DNAJC1: variants seen among roughly 807,000 people sequenced by gnomAD.
DNAJC1 encodes dnaJ homolog subfamily C member 1.
DNAJC1 carries 58 observed loss-of-function variants against 76.6 expected under a neutral mutation model. That is an observed-to-expected ratio of 0.76 (90% CI 0.61 to 0.94). The LOEUF is 0.94. Among genes scored for constraint, DNAJC1 ranks in the 40% least tolerant of loss-of-function variants. DNAJC1 has a pLI of 0.00. For synonymous variants in DNAJC1, 258 were observed against 267.9 expected (o/e 0.96, Z 0.36); for missense variants, 689 against 677.3 (o/e 1.02, Z -0.19).
intron 8 of DNAJC1, among the ~76,000 whole-genome samples, chr10:21,820,049 T>C (rs1328084874): frequency 6.6e-6 from 1 of 152,248 alleles, no homozygotes; most frequent in Non-Finnish European, 1.5e-5. Context: ...AGCATTTTCA[T>C]CATTCTGAAT....
chr10:21,972,835 A>G (rs1838001778), intron 1 of DNAJC1, among the ~76,000 whole-genome samples: 1 of 152,096 alleles, frequency 6.6e-6, no homozygotes, highest in Non-Finnish European at 1.5e-5. Context: ...GAAACTGAAA[A>G]TAGGGTATTT....
At chr10:21,907,996 T>C (rs1249649975) in intron 6 of DNAJC1, among the ~76,000 whole-genome samples, 1 of 112,402 alleles carries the variant, frequency 8.9e-6, no homozygotes, top group Non-Finnish European at 1.7e-5. Flanking sequence ...GAAATATATA[T>C]GAAATATATT....
At chr10:21,803,735 G>T in intron 9 of DNAJC1, 1 of 643,142 alleles carries the variant, frequency 1.6e-6, no homozygotes, top group Non-Finnish European at 1.9e-6. Context: ...ATGCAGTGTG[G>T]GTCTATATAT....
intron 4 of DNAJC1, chr10:21,920,534 C>T (rs1356317434): frequency 3.7e-6 from 1 of 266,894 alleles, no homozygotes; most frequent in Non-Finnish European, 6.9e-6. Flanking sequence ...GAAAACATGG[C>T]TCTACCTTCT....
intron 6 of DNAJC1, among the ~76,000 whole-genome samples, chr10:21,911,785 TC>T (rs990938114): frequency 6.6e-6 from 1 of 152,190 alleles, no homozygotes; most frequent in Non-Finnish European, 1.5e-5. Flanking sequence ...AAACCATACT[TC>T]CAGGGTCTAT....
intron 8 of DNAJC1, among the ~76,000 whole-genome samples, chr10:21,832,968 G>C (rs1835384756): frequency 6.6e-6 from 1 of 152,182 alleles, no homozygotes; most frequent in South Asian, 2.1e-4. Flanking sequence ...TGTCTCAAGA[G>C]TGATTTATTC....
chr10:21,942,701 G>T (rs1467799229), intron 1 of DNAJC1, among the ~76,000 whole-genome samples: 1 of 151,422 alleles, frequency 6.6e-6, no homozygotes, highest in African/African-American at 2.4e-5. Context: ...AGCTACTCAG[G>T]ATGCTGAGGC....
At chr10:21,797,401 C>T (rs1324861726) in intron 9 of DNAJC1, among the ~76,000 whole-genome samples, 1 of 152,096 alleles carries the variant, frequency 6.6e-6, no homozygotes, top group Non-Finnish European at 1.5e-5. Flanking sequence ...TTTTATTCTT[C>T]TTTCTCAAGG....
chr10:21,862,103 A>G (rs1311328444), intron 8 of DNAJC1, among the ~76,000 whole-genome samples: 3 of 151,922 alleles, frequency 2.0e-5, no homozygotes, highest in African/African-American at 7.3e-5. Flanking sequence ...TTTTTAGTAG[A>G]GACGGGGTTT....
chr10:21,873,928 T>TA (rs1441143088), intron 8 of DNAJC1, among the ~76,000 whole-genome samples: 1 of 152,206 alleles, frequency 6.6e-6, no homozygotes, highest in African/African-American at 2.4e-5. Context: ...GCATTAATTC[T>TA]AAGTAGACAG....
At chr10:21,969,432 T>C (rs1420451254) in intron 1 of DNAJC1, among the ~76,000 whole-genome samples, 1 of 152,172 alleles carries the variant, frequency 6.6e-6, no homozygotes, top group Non-Finnish European at 1.5e-5. Context: ...TGGTTCTTGA[T>C]TCTCTTCAGA....
chr10:21,921,254 G>A (rs936841457), intron 3 of DNAJC1, among the ~76,000 whole-genome samples: 21 of 151,858 alleles, frequency 1.4e-4, no homozygotes, highest in Non-Finnish European at 5.9e-5. Flanking sequence ...AAGGAGCTAC[G>A]TGTAGTCTAC....
At chr10:21,968,767 T>C (rs1426636877) in intron 1 of DNAJC1, among the ~76,000 whole-genome samples, 2 of 152,088 alleles carry the variant, frequency 1.3e-5, no homozygotes, top group African/African-American at 4.8e-5. Context: ...ACCTAGGCCC[T>C]GCAAAGTGCT....
At chr10:21,768,661 T>C (rs1834331051) in intron 9 of DNAJC1, among the ~76,000 whole-genome samples, 1 of 152,200 alleles carries the variant, frequency 6.6e-6, no homozygotes, top group Non-Finnish European at 1.5e-5. Flanking sequence ...TCAATTTTGT[T>C]CCCTACCTTC....
At chr10:21,901,207 T>C (rs1836647102) in intron 7 of DNAJC1, among the ~76,000 whole-genome samples, 1 of 152,218 alleles carries the variant, frequency 6.6e-6, no homozygotes. Context: ...ATTATTTAAT[T>C]CTGGTTTTGT....
At chr10:21,874,984 G>A (rs914646325) in intron 8 of DNAJC1, among the ~76,000 whole-genome samples, 21 of 152,142 alleles carry the variant, frequency 1.4e-4, no homozygotes, top group African/African-American at 5.1e-4. Flanking sequence ...GGGTTCAAGC[G>A]ATTCTTTTGC....
At chr10:21,874,130 T>C (rs1836147358) in intron 8 of DNAJC1, among the ~76,000 whole-genome samples, 2 of 152,078 alleles carry the variant, frequency 1.3e-5, no homozygotes, top group African/African-American at 4.8e-5. Context: ...CAAAAAGAAA[T>C]GAAGGCCAGG....
chr10:21,801,469 A>G (rs1242346105), intron 9 of DNAJC1, among the ~76,000 whole-genome samples: 1 of 152,242 alleles, frequency 6.6e-6, no homozygotes, highest in Non-Finnish European at 1.5e-5. Flanking sequence ...CTATTACCAA[A>G]AAGTCAAAAA....
At chr10:21,908,193 TATTA>T (rs1406421012) in intron 6 of DNAJC1, among the ~76,000 whole-genome samples, 21 of 101,326 alleles carry the variant, frequency 2.1e-4, no homozygotes, top group South Asian at 9.8e-4. Flanking sequence ...TAAAAATATA[TATTA>T]TATATATAAA....
Sources: gnomAD v4.1 joint callset for allele counts (sites outside exome capture counted in the v4.1 genomes callset) on GRCh38, gnomAD v4.1.1 for gene constraint, MANE v1.5 for transcripts, NCBI Gene and HGNC (gene_info 2026-07-23, HGNC 2026-07-21) for gene names.